Variants in EMC3 observed in about 807,000 individuals in gnomAD.
The protein encoded by EMC3 is ER membrane protein complex subunit 3, also known as 30 kDa protein.
EMC3 carries 13 observed loss-of-function variants against 36.6 expected under a neutral mutation model. The observed-to-expected ratio is 0.35, with a 90% CI of 0.23 to 0.56. The LOEUF (loss-of-function observed/expected upper bound fraction) is 0.56. EMC3 is among the 20% of genes least tolerant of loss of function. The pLI is 0.84. For missense variants in EMC3, 220 were observed against 324.5 expected (o/e 0.68, Z 2.47); for synonymous variants, 120 against 111.9 (o/e 1.07, Z -0.46).
chr3:10,004,568 AT>A (rs1158622147), intron 1 of EMC3: 14 of 152,258 alleles, frequency 9.2e-5, no homozygotes, highest in African/African-American at 3.4e-4. Context: ...GGCTCATAGC[AT>A]TCAGCAGAAG....
intron 1 of EMC3, among the ~76,000 whole-genome samples, chr3:10,007,829 G>C (rs557756368): frequency 6.6e-6 from 1 of 152,242 alleles, no homozygotes; most frequent in East Asian, 1.9e-4. Context: ...ATCTGAGTGT[G>C]GCAACCTTGA....
intron 1 of EMC3, chr3:9,992,956 G>T: frequency 1.9e-6 from 3 of 1,610,146 alleles, no homozygotes; most frequent in Non-Finnish European, 2.5e-6. Flanking sequence ...AATAAGATTC[G>T]ATCAGGCTGC....
intron 1 of EMC3, among the ~76,000 whole-genome samples, chr3:9,999,239 T>C (rs1267276027): frequency 6.6e-6 from 1 of 151,960 alleles, no homozygotes; most frequent in Non-Finnish European, 1.5e-5. Flanking sequence ...TAAAGTCAAA[T>C]TTATCTTTTT....
In EMC3 at chr3:9,966,842, T is replaced by C. The variant is rs563457489; in HGVS notation, c.658-2645A>G. Among the ~76,000 whole-genome samples the C allele has an allele frequency of 9.8e-5, 15 of 152,352 alleles. No homozygotes were observed. In the East Asian group the frequency reaches 1.7e-3, roughly 18 times the overall value. Reference sequence around the variant, plus strand: ...TGCCTGTCTCAGCCTCCCAAAGTGCTGGGATTAAGGTGTAAGCCACTGCGC... The same window carrying C: ...TGCCTGTCTCAGCCTCCCAAAGTGCCGGGATTAAGGTGTAAGCCACTGCGC... On this transcript the variant is annotated intron_variant, in intron 7 of 7. Transcript: ENST00000245046.
chr3:10,003,631 C>A, intron 1 of EMC3: 1 of 208,454 alleles, frequency 4.8e-6, no homozygotes, highest in Non-Finnish European at 9.9e-6. Flanking sequence ...AAAATCATCC[C>A]CAAGGCTGGC....
chr3:9,968,492 G>A (rs1473002481), intron 7 of EMC3, among the ~76,000 whole-genome samples: 3 of 152,044 alleles, frequency 2.0e-5, no homozygotes, highest in Admixed American at 1.3e-4. Context: ...AACTGCCCTG[G>A]CTAGTACATC....
upstream of EMC3, chr3:9,986,936 C>G (rs2085982007): frequency 8.2e-7 from 1 of 1,226,366 alleles, no homozygotes; most frequent in Non-Finnish European, 1.0e-6. Context: ...CGGCGGTGGC[C>G]CAGGCTCGGT....
intron 1 of EMC3, 22 bp from the exon 2 acceptor site, chr3:9,977,468 A>G (rs1415805174): frequency 1.2e-6 from 2 of 1,605,542 alleles, no homozygotes; most frequent in African/African-American, 2.7e-5. Context: ...AACCAACACA[A>G]TGAGATTTTA....
chr3:10,010,715 G>A (rs13076316), intron 1 of EMC3, among the ~76,000 whole-genome samples: 2 of 152,204 alleles, frequency 1.3e-5, no homozygotes, highest in African/African-American at 2.4e-5. Flanking sequence ...CTAGGACTGG[G>A]AGCCCTTCAC....
chr3:10,002,413 C>T (rs184011793), intron 1 of EMC3, among the ~76,000 whole-genome samples: 99 of 152,072 alleles, frequency 6.5e-4, no homozygotes, highest in Admixed American at 1.6e-3. Flanking sequence ...CTCAGCCTTC[C>T]GAGTAGATGG....
intron 1 of EMC3, among the ~76,000 whole-genome samples, chr3:10,008,020 C>A (rs1282637976): frequency 6.6e-6 from 1 of 152,076 alleles, no homozygotes; most frequent in African/African-American, 2.4e-5. Flanking sequence ...CCTTTAAATC[C>A]ACATTGGGGA....
intron 1 of EMC3, among the ~76,000 whole-genome samples, chr3:9,983,433 C>T (rs1159540887): frequency 3.9e-5 from 6 of 152,156 alleles, no homozygotes; most frequent in Non-Finnish European, 8.8e-5. Flanking sequence ...CAAGCATGTG[C>T]TACTGTGTCC....
At chr3:9,973,255 C>T (rs865812706) in intron 5 of EMC3, among the ~76,000 whole-genome samples, 4 of 151,220 alleles carry the variant, frequency 2.6e-5, no homozygotes, top group Middle Eastern at 6.9e-3. Flanking sequence ...AGTGCAGTGG[C>T]GCAATCTCAG....
chr3:10,008,817 A>G (rs78078046), intron 1 of EMC3, among the ~76,000 whole-genome samples: 1,838 of 151,502 alleles, frequency 0.012, no homozygotes, highest in African/African-American at 0.043. Flanking sequence ...TGCCTCCCTG[A>G]CAGCCACACA....
upstream of EMC3, among the ~76,000 whole-genome samples, chr3:9,990,833 TATTTA>T (rs1368442424): frequency 4.7e-5 from 7 of 148,562 alleles, no homozygotes; most frequent in Admixed American, 1.3e-4. Context: ...TTTATTTATT[TATTTA>T]TTTATTTTTT....
chr3:9,999,860 A>G (rs979982221), intron 1 of EMC3, among the ~76,000 whole-genome samples: 1 of 152,134 alleles, frequency 6.6e-6, no homozygotes, highest in Non-Finnish European at 1.5e-5. Flanking sequence ...TTGCTACCTT[A>G]TTTTCCTTCA....
chr3:9,982,443 C>T lies in EMC3; in HGVS notation c.155+4064G>A, dbSNP rs200433033. Among the ~76,000 whole-genome samples the T allele has an allele frequency of 2.3e-4, 35 of 151,888 alleles. No homozygotes were observed. The East Asian group carries it at 6.2e-3, about 27-fold the overall frequency. ...TTATTTTTTGTATTTCTAGTAGAGACGGGGTTTCACCTTGTTAGCCAGGAT... is the reference window on the plus strand; with the variant it reads ...TTATTTTTTGTATTTCTAGTAGAGATGGGGTTTCACCTTGTTAGCCAGGAT... On this transcript the variant is annotated intron_variant, in intron 1 of 7. Transcript: ENST00000245046.
intron 1 of EMC3, among the ~76,000 whole-genome samples, chr3:9,985,683 G>T (rs946802345): frequency 6.6e-6 from 1 of 152,076 alleles, no homozygotes; most frequent in Non-Finnish European, 1.5e-5. Context: ...ATCACCTGAG[G>T]TCGAGTTCGA....
intron 1 of EMC3, chr3:10,007,630 G>A: frequency 7.3e-7 from 1 of 1,362,736 alleles, no homozygotes; most frequent in Non-Finnish European, 9.8e-7. Flanking sequence ...AGCCCTGAGG[G>A]ATGGAGGGGG....
Sources: gnomAD v4.1 joint callset for allele counts (sites outside exome capture counted in the v4.1 genomes callset) on GRCh38, gnomAD v4.1.1 for gene constraint, MANE v1.5 for transcripts, NCBI Gene and HGNC (gene_info 2026-07-23, HGNC 2026-07-21) for gene names.